Variants in PPM1L observed in about 807,000 individuals in gnomAD.
PPM1L encodes protein phosphatase, Mg2+/Mn2+ dependent 1L.
PPM1L carries 13 observed loss-of-function variants against 31.4 expected under a neutral mutation model. That is an observed-to-expected ratio of 0.41 (90% confidence interval 0.27 to 0.66). The LOEUF (loss-of-function observed/expected upper bound fraction) is 0.66. Among genes scored for constraint, PPM1L ranks in the 30% least tolerant of loss-of-function variants. The pLI is 0.29. For synonymous variants in PPM1L, 184 were observed against 175.4 expected, an observed-to-expected ratio of 1.05 and a Z score of -0.39; for missense variants, 326 against 453.7, an observed-to-expected ratio of 0.72 and a Z score of 2.56.
At chr3:160,981,011 T>C (rs912951328) in intron 2 of PPM1L, among the ~76,000 whole-genome samples, 4 of 152,140 alleles carry the variant, frequency 2.6e-5, no homozygotes, top group Admixed American at 2.6e-4. Context: ...ACAAATTAAC[T>C]TCCTGTCCAG....
intron 2 of PPM1L, among the ~76,000 whole-genome samples, chr3:160,990,562 T>G (rs1043314816): frequency 1.3e-5 from 2 of 152,332 alleles, no homozygotes; most frequent in South Asian, 4.1e-4. Flanking sequence ...AACAGTTGGA[T>G]TATTTTGATA....
intron 2 of PPM1L, among the ~76,000 whole-genome samples, chr3:161,018,863 TG>T (rs759561985): frequency 1.5e-4 from 23 of 152,306 alleles, no homozygotes; most frequent in Middle Eastern, 3.4e-3. Context: ...GAAAAACATT[TG>T]GGATATGTTG....
At chr3:160,861,941 C>T (rs751472552) in intron 1 of PPM1L, among the ~76,000 whole-genome samples, 4 of 152,160 alleles carry the variant, frequency 2.6e-5, no homozygotes, top group East Asian at 1.9e-4. Flanking sequence ...CTCATAAAGA[C>T]CTCTGTGCCC....
At chr3:160,764,376 GTTTTTC>G (rs1253058730) in intron 1 of PPM1L, among the ~76,000 whole-genome samples, 2 of 151,472 alleles carry the variant, frequency 1.3e-5, no homozygotes, top group African/African-American at 4.9e-5. Context: ...TTTAAATCTT[GTTTTTC>G]TTTGTATAAT....
intron 1 of PPM1L, among the ~76,000 whole-genome samples, chr3:160,955,118 C>A (rs1342443426): frequency 1.3e-5 from 2 of 151,958 alleles, no homozygotes; most frequent in Non-Finnish European, 2.9e-5. Context: ...TCAAGCGATT[C>A]TCCTGCTTTA....
At chr3:161,058,205 A>G (rs142499000) in intron 2 of PPM1L, among the ~76,000 whole-genome samples, 251 of 127,648 alleles carry the variant, frequency 2.0e-3, no homozygotes, top group African/African-American at 7.1e-3. Context: ...GCTCACTGCA[A>G]CCTCTGTCTC....
At chr3:160,992,464 G>C (rs1190972792) in intron 2 of PPM1L, among the ~76,000 whole-genome samples, 1 of 152,102 alleles carries the variant, frequency 6.6e-6, no homozygotes, top group Non-Finnish European at 1.5e-5. Flanking sequence ...ATTCAAACTA[G>C]CTTATGCAAA....
At chr3:160,816,666 A>G (rs749347857) in intron 1 of PPM1L, among the ~76,000 whole-genome samples, 1 of 152,028 alleles carries the variant, frequency 6.6e-6, no homozygotes, top group Non-Finnish European at 1.5e-5. Context: ...GATGAAATAT[A>G]GGGGAAAAAA....
intron 1 of PPM1L, among the ~76,000 whole-genome samples, chr3:160,794,651 T>C (rs1359669001): frequency 6.6e-6 from 1 of 152,200 alleles, no homozygotes; most frequent in Non-Finnish European, 1.5e-5. Flanking sequence ...CAACGCCCTC[T>C]GAGAGCAAGA....
chr3:161,022,953 T>C (rs541021573), intron 2 of PPM1L, among the ~76,000 whole-genome samples: 352 of 152,264 alleles, frequency 2.3e-3, no homozygotes, highest in African/African-American at 8.3e-3. Context: ...CATGAGCCAC[T>C]GTGCCCAGCC....
At chr3:160,952,874 C>T (rs1715618145) in intron 1 of PPM1L, among the ~76,000 whole-genome samples, 1 of 152,012 alleles carries the variant, frequency 6.6e-6, no homozygotes, top group Non-Finnish European at 1.5e-5. Flanking sequence ...ATTATTTGTC[C>T]CATTCAGTTT....
At chr3:160,980,063 G>A (rs1328329708) in intron 2 of PPM1L, among the ~76,000 whole-genome samples, 3 of 151,900 alleles carry the variant, frequency 2.0e-5, no homozygotes, top group Non-Finnish European at 4.4e-5. Flanking sequence ...GGGTAGGGCT[G>A]GCCTTATTGG....
chr3:160,932,040 A>G (rs989127736), intron 1 of PPM1L, among the ~76,000 whole-genome samples: 1 of 151,900 alleles, frequency 6.6e-6, no homozygotes, highest in Admixed American at 6.6e-5. Context: ...CCACTAATTT[A>G]TTTTATTTCA....
chr3:160,774,032 C>T (rs558215671), intron 1 of PPM1L, among the ~76,000 whole-genome samples: 1 of 152,236 alleles, frequency 6.6e-6, no homozygotes, highest in East Asian at 1.9e-4. Flanking sequence ...GAGCACAGGG[C>T]TCCCCTTCCT....
chr3:160,829,376 G>T (rs1713450064), intron 1 of PPM1L, among the ~76,000 whole-genome samples: 1 of 152,012 alleles, frequency 6.6e-6, no homozygotes, highest in African/African-American at 2.4e-5. Context: ...TCATTTCTCT[G>T]TCCACAAATA....
chr3:160,813,942 A>C (rs1013229446), intron 1 of PPM1L, among the ~76,000 whole-genome samples: 1 of 152,240 alleles, frequency 6.6e-6, no homozygotes, highest in African/African-American at 2.4e-5. Context: ...CTACATCTGA[A>C]ACAAGTAAAA....
At chr3:160,827,403 G>A (rs1403058519) in intron 1 of PPM1L, among the ~76,000 whole-genome samples, 8 of 151,310 alleles carry the variant, frequency 5.3e-5, no homozygotes, top group Admixed American at 4.0e-4. Context: ...GGTGGCATGC[G>A]TTGATTTACA....
Position 161,072,691 on chromosome 3 carries a change from G to A in PPM1L, c.*3534G>A, listed in dbSNP as rs1225975418. ...CCTAGTAACATTGCAAGGAACTTGT[G>A]TATCAAGGTGTATCTTGATTATCCT... On this transcript the variant is annotated 3_prime_UTR_variant, in exon 4 of 4. Coordinates refer to ENST00000498165, the MANE Select transcript of PPM1L (RefSeq NM_139245.4). 1.3e-5 allele frequency: 2 copies of A among 152,112 alleles called. No individual in the cohort carries two copies. The highest frequency in any genetic ancestry group is 3.9e-4 in the East Asian group (2 of 5,192). 9.4% of individuals were successfully genotyped at this position (152,112 alleles called of 1,614,324 possible). A position where few individuals can be genotyped will look rare whatever the true frequency, so the allele number is the denominator to read the frequency against.
chr3:160,873,971 A>G (rs978104180), intron 1 of PPM1L, among the ~76,000 whole-genome samples: 13 of 152,288 alleles, frequency 8.5e-5, no homozygotes, highest in African/African-American at 3.1e-4. Context: ...ATGGTCTTTT[A>G]TATCAAAATT....
Sources: allele counts gnomAD v4.1 joint callset (sites outside exome capture counted in the v4.1 genomes callset), GRCh38; gene constraint gnomAD v4.1.1; transcripts MANE v1.5; gene names NCBI Gene and HGNC (gene_info 2026-07-23, HGNC 2026-07-21).